Variants in FIG4 observed in about 807,000 individuals in gnomAD.
The protein encoded by FIG4 is polyphosphoinositide phosphatase.
Under a neutral mutation model 118.6 loss-of-function variants are expected in FIG4, and 112 were observed. The ratio of observed to expected loss-of-function variants is 0.94; its 90% CI spans 0.81 to 1.11. The LOEUF is 1.11. Ranked by LOEUF, FIG4 falls within the 50% of genes least tolerant of loss-of-function variation. The probability of loss-of-function intolerance (pLI) is 0.00; values close to 1 mark genes in which losing one functional copy is unlikely to be tolerated. For missense variants in FIG4, 969 were observed against 1,111.7 expected (o/e 0.87, Z 1.83); for synonymous variants, 369 against 381.2 (o/e 0.97, Z 0.37).
intron 1 of FIG4, among the ~76,000 whole-genome samples, chr6:109,695,055 A>G (rs2128377071): frequency 6.6e-6 from 1 of 152,368 alleles, no homozygotes. Context: ...AAAATCCGGC[A>G]GTCCCACTAC....
chr6:109,787,743 A>C (rs1778021440), intron 18 of FIG4, among the ~76,000 whole-genome samples: 2 of 152,220 alleles, frequency 1.3e-5, no homozygotes, highest in African/African-American at 4.8e-5. Flanking sequence ...CTATAAAGTC[A>C]TTGCAAACAC....
At chr6:109,762,328 G>C in intron 12 of FIG4, 121 bp downstream of exon 12, 1 of 700,340 alleles carries the variant, frequency 1.4e-6, no homozygotes. Flanking sequence ...GAGGCACACT[G>C]CTCACATGAC....
chr6:109,819,416 T>C (rs1778945539), intron 22 of FIG4, among the ~76,000 whole-genome samples: 1 of 152,208 alleles, frequency 6.6e-6, no homozygotes, highest in Non-Finnish European at 1.5e-5. Context: ...CTTTTGGTTA[T>C]TATAGCTTTT....
chr6:109,783,681 A>T (rs1777873026), intron 16 of FIG4, among the ~76,000 whole-genome samples: 1 of 152,230 alleles, frequency 6.6e-6, no homozygotes, highest in South Asian at 2.1e-4. Flanking sequence ...TGTTCTTCTC[A>T]TATTCAAAGC....
At chr6:109,691,870 G>C (rs550659718) in intron 1 of FIG4, among the ~76,000 whole-genome samples, 11 of 152,272 alleles carry the variant, frequency 7.2e-5, no homozygotes, top group African/African-American at 2.4e-4. Flanking sequence ...AGTACAGGCA[G>C]GGGTATGAAA....
intron 1 of FIG4, among the ~76,000 whole-genome samples, chr6:109,714,283 G>T (rs1775360746): frequency 6.6e-6 from 1 of 152,118 alleles, no homozygotes; most frequent in South Asian, 2.1e-4. Flanking sequence ...CCCATGCAGG[G>T]TTCCCAGCTT....
At chr6:109,824,645 CA>C (rs1779105532) in intron 22 of FIG4, among the ~76,000 whole-genome samples, 1 of 152,188 alleles carries the variant, frequency 6.6e-6, no homozygotes, top group Non-Finnish European at 1.5e-5. Context: ...TTCCTGTTTA[CA>C]ACTATGTGAG....
intron 21 of FIG4, among the ~76,000 whole-genome samples, chr6:109,793,490 T>A (rs1778195231): frequency 6.6e-6 from 1 of 152,162 alleles, no homozygotes; most frequent in African/African-American, 2.4e-5. Context: ...GAAGATAGAT[T>A]TAGCAGATTC....
intron 1 of FIG4, among the ~76,000 whole-genome samples, chr6:109,695,739 C>A (rs947965558): frequency 1.3e-5 from 2 of 152,144 alleles, no homozygotes; most frequent in African/African-American, 2.4e-5. Context: ...ACTGGTAACG[C>A]CATATTTAAT....
chr6:109,742,842 G>A (rs1428368297), intron 8 of FIG4, among the ~76,000 whole-genome samples: 3 of 151,716 alleles, frequency 2.0e-5, no homozygotes, highest in African/African-American at 7.3e-5. Context: ...TAAACCAGCT[G>A]TTTCCTATCT....
intron 6 of FIG4, among the ~76,000 whole-genome samples, chr6:109,737,965 C>T (rs1776208396): frequency 6.6e-6 from 1 of 152,160 alleles, no homozygotes; most frequent in Non-Finnish European, 1.5e-5. Context: ...GAACTTTGAC[C>T]TCATAGCCCT....
In FIG4 at chr6:109,743,608, C is replaced by G. The variant is rs1288784602; in HGVS notation, c.1040-67C>G. ...AATTGCATTTCTTTAAAAAAACAAC[C>G]CTATGCTTCTTTTATTTTGCTTTGC... On this transcript the variant is annotated intron_variant, in intron 9 of 22. Coordinates refer to ENST00000230124, the MANE Select transcript of FIG4 (RefSeq NM_014845.6). 9.0e-6 allele frequency: 11 copies of G among 1,216,140 alleles called. No homozygotes were observed. In the East Asian group the frequency reaches 2.6e-4, roughly 28 times the overall value. The allele number at this position is 1,216,140 out of a possible 1,614,324, so 75.3% of individuals were successfully genotyped here. A position where few individuals can be genotyped will look rare whatever the true frequency, so the allele number is the denominator to read the frequency against.
chr6:109,764,291 AT>A (rs1190035738), intron 13 of FIG4, among the ~76,000 whole-genome samples: 1 of 152,006 alleles, frequency 6.6e-6, no homozygotes, highest in African/African-American at 2.4e-5. Flanking sequence ...ACAAAAAATT[AT>A]CCGGGCTTGG....
intron 1 of FIG4, among the ~76,000 whole-genome samples, chr6:109,700,740 T>A (rs1420746384): frequency 1.3e-5 from 2 of 152,226 alleles, no homozygotes; most frequent in Non-Finnish European, 2.9e-5. Context: ...TTCTGATGGT[T>A]CAGTGTACAC....
intron 16 of FIG4, among the ~76,000 whole-genome samples, chr6:109,782,696 A>G (rs919123964): frequency 6.6e-6 from 1 of 152,182 alleles, no homozygotes; most frequent in Non-Finnish European, 1.5e-5. Flanking sequence ...GCATGCATAC[A>G]CACATGCATA....
chr6:109,714,709 C>T (rs970038117), intron 1 of FIG4, among the ~76,000 whole-genome samples: 10 of 152,208 alleles, frequency 6.6e-5, no homozygotes, highest in Admixed American at 1.3e-4. Context: ...ATTGCCTAAG[C>T]GTTCCTAATT....
At chr6:109,710,203 T>TTGAGATAATCATG (rs895126431) in intron 1 of FIG4, among the ~76,000 whole-genome samples, 2 of 152,162 alleles carry the variant, frequency 1.3e-5, no homozygotes, top group African/African-American at 4.8e-5. Flanking sequence ...TCTGGGTCTA[T>TTGAGATAATCATG]TGAGATAATC....
At chr6:109,739,844 A>G (rs1776271612) in intron 7 of FIG4, among the ~76,000 whole-genome samples, 1 of 152,182 alleles carries the variant, frequency 6.6e-6, no homozygotes, top group Admixed American at 6.5e-5. Flanking sequence ...TACCAGGAGC[A>G]TTTGAGAGGA....
At chr6:109,718,692 A>G (rs1182879295) in intron 3 of FIG4, among the ~76,000 whole-genome samples, 2 of 151,978 alleles carry the variant, frequency 1.3e-5, no homozygotes, top group Non-Finnish European at 1.5e-5. Flanking sequence ...TTGAGGTTAC[A>G]TGTTGAATGG....
Sources: gnomAD v4.1 joint callset for allele counts (sites outside exome capture counted in the v4.1 genomes callset) on GRCh38, gnomAD v4.1.1 for gene constraint, MANE v1.5 for transcripts, NCBI Gene and HGNC (gene_info 2026-07-23, HGNC 2026-07-21) for gene names.